Variants in RASGEF1C observed in about 807,000 individuals in gnomAD.
RASGEF1C encodes the protein ras-GEF domain-containing family member 1C.
Under a neutral mutation model 58.1 loss-of-function variants are expected in RASGEF1C, and 27 were observed. The ratio of observed to expected loss-of-function variants is 0.46; its 90% CI spans 0.34 to 0.64. The LOEUF (loss-of-function observed/expected upper bound fraction) is 0.64, where lower values mean the gene tolerates loss of function less well. Ranked by LOEUF, RASGEF1C falls within the 30% of genes least tolerant of loss-of-function variation. The pLI is 0.01. For missense variants in RASGEF1C, 502 were observed against 605.1 expected (o/e 0.83, Z 1.79); for synonymous variants, 243 against 246.3 (o/e 0.99, Z 0.13).
At chr5:180,136,666 C>T in intron 3 of RASGEF1C, 151 bp from the exon 4 acceptor site, 1 of 780,586 alleles carries the variant, frequency 1.3e-6, no homozygotes, top group South Asian at 1.9e-5. Flanking sequence ...CGATCCTGCT[C>T]TGCGCCCACG....
intron 1 of RASGEF1C, among the ~76,000 whole-genome samples, chr5:180,182,173 C>G (rs1392073237): frequency 1.5e-5 from 2 of 129,488 alleles, no homozygotes; most frequent in Non-Finnish European, 3.1e-5. Context: ...CCACTGAACT[C>G]CAGCCTGGGC....
chr5:180,208,817 G>A (rs1756541040), intron 1 of RASGEF1C, among the ~76,000 whole-genome samples: 1 of 151,584 alleles, frequency 6.6e-6, no homozygotes, highest in Non-Finnish European at 1.5e-5. Flanking sequence ...CCGGGGGTGT[G>A]CCCTCAGGGT....
intron 1 of RASGEF1C, among the ~76,000 whole-genome samples, chr5:180,181,621 A>T (rs1232704959): frequency 6.6e-6 from 1 of 152,216 alleles, no homozygotes. Flanking sequence ...GAAGATTTCT[A>T]ACAAGCCGCC....
intron 1 of RASGEF1C, among the ~76,000 whole-genome samples, chr5:180,181,937 C>T (rs1767338475): frequency 6.6e-6 from 1 of 151,068 alleles, no homozygotes; most frequent in Non-Finnish European, 1.5e-5. Flanking sequence ...GGCGCAGTGG[C>T]TCACGCCTGT....
chr5:180,201,150 G>A (rs113706587), intron 1 of RASGEF1C, among the ~76,000 whole-genome samples: 12,590 of 152,198 alleles, frequency 0.083, 698 homozygotes, highest in South Asian at 0.13. Context: ...AACAGAGCAC[G>A]CCTGAGGGTG....
At chr5:180,181,915 A>G (rs1767337343) in intron 1 of RASGEF1C, among the ~76,000 whole-genome samples, 1 of 152,084 alleles carries the variant, frequency 6.6e-6, no homozygotes. Context: ...TCAAGAATGA[A>G]GCCATGGGCC....
intron 1 of RASGEF1C, among the ~76,000 whole-genome samples, chr5:180,160,545 T>C (rs1766923999): frequency 6.6e-6 from 1 of 152,182 alleles, no homozygotes; most frequent in African/African-American, 2.4e-5. Context: ...ATTTCTATCC[T>C]AATGCCCAGC....
At chr5:180,115,994 G>A (rs564819991) in intron 10 of RASGEF1C, among the ~76,000 whole-genome samples, 7 of 152,236 alleles carry the variant, frequency 4.6e-5, no homozygotes, top group African/African-American at 1.7e-4. Flanking sequence ...CAGGGAGGGG[G>A]TTTAAGGAAT....
chr5:180,120,790 T>C (rs897383676), intron 7 of RASGEF1C, among the ~76,000 whole-genome samples: 3 of 152,180 alleles, frequency 2.0e-5, no homozygotes, highest in African/African-American at 7.2e-5. Flanking sequence ...CCACTGGGGC[T>C]GGGAGTGACG....
chr5:180,128,461 A>C lies in RASGEF1C; in HGVS notation c.588T>G (p.Gly196=), dbSNP rs771161464. 27 of 1,613,842 alleles carry C rather than the reference A, an allele frequency of 1.7e-5. No individual in the cohort carries two copies. Among genetic ancestry groups the C allele is most frequent in the Non-Finnish European group, 2.1e-5 (25 of 1,179,978 alleles). Residue 196 remains glycine, a synonymous_variant, in exon 5 of 14, where the codon GGT becomes GGG. Coordinates refer to ENST00000361132, the MANE Select transcript of RASGEF1C (RefSeq NM_175062.4). The stretch of plus-strand genomic sequence containing the variant: ...CCAGTGTGTAGGGGTCGCTGCAGAC[A>C]CCAAGGAGCTCCCTGTGGATGGAGG... ...PPASIHRELL[G]VCSDPYTLAQ... is the part of the protein sequence containing the mutation.
chr5:180,140,923 C>T (rs1260899908), intron 1 of RASGEF1C, among the ~76,000 whole-genome samples: 1 of 152,126 alleles, frequency 6.6e-6, no homozygotes, highest in Non-Finnish European at 1.5e-5. Context: ...GGCAGTGGCT[C>T]CTGGAAGTGT....
At chr5:180,150,022 T>A (rs1766722020) in intron 1 of RASGEF1C, among the ~76,000 whole-genome samples, 1 of 152,206 alleles carries the variant, frequency 6.6e-6, no homozygotes, top group South Asian at 2.1e-4. Context: ...GTTGGTCTGC[T>A]TTATGGTATT....
At chr5:180,201,411 T>C (rs1561760134) in intron 1 of RASGEF1C, among the ~76,000 whole-genome samples, 1 of 152,112 alleles carries the variant, frequency 6.6e-6, no homozygotes, top group Non-Finnish European at 1.5e-5. Context: ...AAGAAAATGG[T>C]GCACTTCATA....
chr5:180,108,095 C>T (rs1445785811), intron 12 of RASGEF1C, among the ~76,000 whole-genome samples: 2 of 152,106 alleles, frequency 1.3e-5, no homozygotes, highest in Non-Finnish European at 2.9e-5. Context: ...CTTTTTCAGT[C>T]CTGCCCTCTT....
chr5:180,122,740 T>TTA (rs1766196156), intron 6 of RASGEF1C, among the ~76,000 whole-genome samples: 1 of 115,950 alleles, frequency 8.6e-6, no homozygotes. Context: ...AAACTTCATC[T>TTA]AAAAAAAAAA....
chr5:180,122,777 CAAAA>C lies in RASGEF1C; in HGVS notation c.715-1632_715-1629del, dbSNP rs72105671. Among the ~76,000 whole-genome samples the C allele has an allele frequency of 1.3e-3, 177 of 137,844 alleles. 1 individual carries two copies. The highest frequency in any genetic ancestry group is 4.6e-3 in the African/African-American group (174 of 38,030). The allele number at this position is 137,844 out of a possible 152,430, so 90.4% of individuals were successfully genotyped here. ...AAAAAACTAAAACAAAAACAAAAAACAAAAAAAAATCCCCAAAAAACTGCCAGGG... is the reference window on the plus strand; with the variant it reads ...AAAAAACTAAAACAAAAACAAAAAACAAAAATCCCCAAAAAACTGCCAGGG... On this transcript the variant is annotated intron_variant, in intron 6 of 13. Transcript: ENST00000361132.
Position 180,109,382 on chromosome 5 carries a change from CG to C in RASGEF1C, c.1303+2074del, listed in dbSNP as rs1765923050. Reference sequence around the variant, plus strand: ...CTGAGGCAGGAGAATGTCGTGAACCCGGGAGGCGGAGCTTGCAGTGAGCCGA... The same window carrying C: ...CTGAGGCAGGAGAATGTCGTGAACCCGGAGGCGGAGCTTGCAGTGAGCCGA... On this transcript the variant is annotated intron_variant, in intron 12 of 13. Transcript: ENST00000361132. Among the ~76,000 whole-genome samples the C allele has an allele frequency of 2.6e-5, 4 of 152,124 alleles. No individual in the cohort carries two copies. The East Asian group carries it at 5.8e-4, about 22-fold the overall frequency.
rs565550940 is a variant in RASGEF1C at position 180,158,096 on chromosome 5, C to T, written c.-6-20038G>A. Among the ~76,000 whole-genome samples, 12 of 152,210 alleles carry T rather than the reference C, an allele frequency of 7.9e-5. No individual in the cohort carries two copies. The highest frequency in any genetic ancestry group is 2.6e-4 in the Admixed American group (4 of 15,286). On this transcript the variant is annotated intron_variant, in intron 1 of 13. Transcript: ENST00000361132. The surrounding 1 kb of genome is among the most constrained non-coding windows in gnomAD (Gnocchi z 4.0). ...GAAATCTCTACTTTCTGCTCAGTTT[C>T]GCTGCGAACCTAAAACTGCTCTAAA... is the stretch of plus-strand genomic sequence containing the variant.
At chr5:180,175,606 C>T (rs1767211887) in intron 1 of RASGEF1C, among the ~76,000 whole-genome samples, 1 of 152,266 alleles carries the variant, frequency 6.6e-6, no homozygotes, top group Non-Finnish European at 1.5e-5. Context: ...GTGTTGTTCA[C>T]ATGCTCATGT....
Sources: allele counts gnomAD v4.1 joint callset (sites outside exome capture counted in the v4.1 genomes callset), GRCh38; gene constraint gnomAD v4.1.1; non-coding constraint Gnocchi (gnomAD v3.1); transcripts MANE v1.5; gene names NCBI Gene and HGNC (gene_info 2026-07-23, HGNC 2026-07-21).